Variants in GLDC observed in about 807,000 individuals in gnomAD.
GLDC encodes the protein glycine dehydrogenase (decarboxylating), mitochondrial.
A neutral mutation model predicts 121.3 loss-of-function variants in GLDC; 104 were observed. The ratio of observed to expected loss-of-function variants is 0.86; its 90% CI spans 0.73 to 1.01. GLDC has a LOEUF of 1.01. GLDC is among the 50% of genes least tolerant of loss of function. The probability of loss-of-function intolerance (pLI) is 0.00; values close to 1 mark genes in which losing one functional copy is unlikely to be tolerated. For synonymous variants in GLDC, 546 were observed against 480.6 expected, an observed-to-expected ratio of 1.14 and a Z score of -1.78; for missense variants, 1,429 against 1,306.6, an observed-to-expected ratio of 1.09 and a Z score of -1.44.
Position 6,606,786 on chromosome 9 carries a change from G to T in GLDC, c.636-117C>A. The T allele has an allele frequency of 7.9e-6, 6 of 758,064 alleles. 1 individual carries two copies. In the Admixed American group the frequency reaches 9.2e-5, roughly 12 times the overall value. The allele number at this position is 758,064 out of a possible 1,614,324, so 47.0% of individuals were successfully genotyped here. On this transcript the variant is annotated intron_variant, in intron 4 of 24. Coordinates refer to ENST00000321612, the MANE Select transcript of GLDC (RefSeq NM_000170.3). ...GTCTAAGCACAGTATAAAAAATACT[G>T]AGTAGGCCGGGTGCGGTGGCTCACG...
chr9:6,618,499 G>C (rs758174289), intron 3 of GLDC, among the ~76,000 whole-genome samples: 9 of 151,990 alleles, frequency 5.9e-5, no homozygotes, highest in Non-Finnish European at 1.2e-4. Flanking sequence ...TAGAGACAGG[G>C]TTTTTCCATG....
intron 3 of GLDC, among the ~76,000 whole-genome samples, chr9:6,617,969 C>T (rs1046129247): frequency 2.0e-5 from 3 of 152,112 alleles, no homozygotes; most frequent in African/African-American, 4.8e-5. Flanking sequence ...CAATCTGTGC[C>T]CCTTGCTAGG....
chr9:6,621,285 C>G (rs1280834188), intron 2 of GLDC, among the ~76,000 whole-genome samples: 1 of 152,190 alleles, frequency 6.6e-6, no homozygotes, highest in Non-Finnish European at 1.5e-5. Context: ...GGGACCCTTT[C>G]TCGGGTCATT....
chr9:6,556,542 C>T (rs888760744), intron 17 of GLDC, among the ~76,000 whole-genome samples: 10 of 152,166 alleles, frequency 6.6e-5, no homozygotes, highest in East Asian at 3.8e-4. Flanking sequence ...CCCGTAATCC[C>T]GGCACTCTGG....
At chr9:6,562,253 T>C (rs1199666178) in intron 16 of GLDC, among the ~76,000 whole-genome samples, 5 of 152,166 alleles carry the variant, frequency 3.3e-5, no homozygotes, top group Non-Finnish European at 1.5e-5. Context: ...ATCAAGAAGT[T>C]AGGCATTCCA....
At position 6,602,172 on chromosome 9, in the gene GLDC, A is replaced by C; in HGVS notation, c.1092T>G (p.Ala364=). 2.5e-6 allele frequency: 4 copies of C among 1,613,072 alleles called. No homozygotes were observed. The highest frequency in any genetic ancestry group is 3.4e-6 in the Non-Finnish European group (4 of 1,179,144). The change falls in exon 8 of 25, where the codon GCT becomes GCG. Residue 364 remains alanine, a synonymous_variant. Coordinates refer to ENST00000321612, the MANE Select transcript of GLDC (RefSeq NM_000170.3). The part of the protein sequence containing the change: ...DATGKEVYRL[A]LQTREQHIRR... ...GAATGTGTTGCTCCCTGGTTTGAAG[A>C]GCAAGACGATACACTTCTTTCCCAG...
Position 6,556,150 on chromosome 9 carries a change from C to T in GLDC, c.2202+3G>A. ...ACTAAGGGCGGGCCTCTTCAGTTCC[C>T]ACCTGAGCATTCATATTTGCCCCGT... On this transcript the variant is annotated splice_donor_region_variant and intron_variant, in intron 18 of 24. Coordinates refer to ENST00000321612, the MANE Select transcript of GLDC (RefSeq NM_000170.3). 1.2e-6 allele frequency: 2 copies of T among 1,611,014 alleles called. No individual in the cohort carries two copies. The highest frequency in any genetic ancestry group is 1.1e-5 in the South Asian group (1 of 90,978).
intron 10 of GLDC, among the ~76,000 whole-genome samples, chr9:6,592,472 AGCTAGACAT>A (rs1168241841): frequency 6.6e-6 from 1 of 152,210 alleles, no homozygotes; most frequent in Non-Finnish European, 1.5e-5. Flanking sequence ...CTCCTTTTGA[AGCTAGACAT>A]GCTTATCTTT....
At chr9:6,616,297 G>C (rs1818965936) in intron 3 of GLDC, among the ~76,000 whole-genome samples, 2 of 152,126 alleles carry the variant, frequency 1.3e-5, no homozygotes, top group Admixed American at 1.3e-4. Context: ...TGTCCCTTAT[G>C]TAATATTTCT....
chr9:6,644,029 C>CAAAAAAAAAAAAA (rs531081758), intron 2 of GLDC, among the ~76,000 whole-genome samples: 16 of 18,330 alleles, frequency 8.7e-4, no homozygotes, highest in East Asian at 1.9e-3. Context: ...GATTCTGTCT[C>CAAAAAAAAAAAAA]AAAAAAAAAA....
chr9:6,604,874 C>T lies in GLDC; in HGVS notation c.862-90G>A, dbSNP rs117422303. ...GGAAATTATCTTAACTACAGGAAGA[C>T]GGGCAGAGTGTGTTCACATCCTGTG... On this transcript the variant is annotated intron_variant, in intron 6 of 24. Transcript: ENST00000321612. 1,328 of 1,099,932 alleles carry T rather than the reference C, an allele frequency of 1.2e-3. 20 individuals carry two copies. In the East Asian group the frequency reaches 0.019, roughly 16 times the overall value. 68.1% of individuals were successfully genotyped at this position (1,099,932 alleles called of 1,614,324 possible).
rs761680597 is a variant in GLDC at position 6,565,395 on chromosome 9, T to C, written c.1885A>G (p.Ile629Val). 6.8e-6 allele frequency: 11 copies of C among 1,613,876 alleles called. No homozygotes were observed. In the Admixed American group the frequency reaches 1.3e-4, roughly 20 times the overall value. Residue 629 changes from isoleucine to valine, a missense_variant, in exon 16 of 25, where the codon ATC (isoleucine) becomes GTC (valine). Coordinates refer to ENST00000321612, the MANE Select transcript of GLDC (RefSeq NM_000170.3). ...CCTTTCTGGTTTAAGTAGGCTCGGA[T>C]AGTGGCCAGTCCAGCATATTCTCCC... is the stretch of plus-strand genomic sequence containing the variant. ...AQGEYAGLATIRAYLNQKGEG... is the reference protein window; with the variant it reads ...AQGEYAGLATVRAYLNQKGEG...
intron 2 of GLDC, chr9:6,639,561 G>A (rs1307811399): frequency 3.9e-6 from 3 of 768,908 alleles, no homozygotes; most frequent in African/African-American, 1.7e-5. Flanking sequence ...TGTTCGACTG[G>A]CTCCTGATTA....
At chr9:6,583,352 C>CTA (rs1005691586) in intron 15 of GLDC, among the ~76,000 whole-genome samples, 1 of 152,178 alleles carries the variant, frequency 6.6e-6, no homozygotes, top group Non-Finnish European at 1.5e-5. Context: ...ACAAAATGTG[C>CTA]TATATATATG....
chr9:6,578,744 G>C (rs964122662), intron 15 of GLDC, among the ~76,000 whole-genome samples: 2 of 151,976 alleles, frequency 1.3e-5, no homozygotes, highest in Admixed American at 6.6e-5. Flanking sequence ...TGTTGCCCAG[G>C]CTAGTCTTGA....
chr9:6,537,427 T>C (rs930644663), intron 22 of GLDC, among the ~76,000 whole-genome samples: 2 of 152,218 alleles, frequency 1.3e-5, no homozygotes, highest in Non-Finnish European at 2.9e-5. Flanking sequence ...CATTATTACA[T>C]GGAGTACTTT....
rs555259333 is a variant in GLDC at position 6,642,327 on chromosome 9, C to G, written c.334+2287G>C. 5.5e-3 allele frequency among the ~76,000 whole-genome samples: 834 copies of G among 152,130 alleles called. 13 individuals are homozygous for G. The highest frequency in any genetic ancestry group is 0.019 in the African/African-American group (786 of 41,506). ...GGTGGATCACCTGAGGTCAGGAGTT[C>G]AAGACCAGCCTGGCCAACATGGAGA... On this transcript the variant is annotated intron_variant, in intron 2 of 24. Coordinates refer to ENST00000321612, the MANE Select transcript of GLDC (RefSeq NM_000170.3).
chr9:6,599,944 T>C (rs1818568656), intron 8 of GLDC, among the ~76,000 whole-genome samples: 2 of 152,056 alleles, frequency 1.3e-5, no homozygotes. Flanking sequence ...AAGAAGATCT[T>C]ATTGCCCACT....
intron 21 of GLDC, chr9:6,541,520 G>A (rs1397376996): frequency 2.0e-5 from 3 of 152,062 alleles, no homozygotes; most frequent in Non-Finnish European, 4.4e-5. Context: ...CTTATAGAAT[G>A]AATAAACATG....
Sources: allele counts gnomAD v4.1 joint callset (sites outside exome capture counted in the v4.1 genomes callset), GRCh38; gene constraint gnomAD v4.1.1; transcripts MANE v1.5; gene names NCBI Gene and HGNC (gene_info 2026-07-23, HGNC 2026-07-21).